Variants in IQCM observed in about 807,000 individuals in gnomAD.
IQCM encodes the protein IQ motif containing M.
A neutral mutation model predicts 57.6 loss-of-function variants in IQCM; 45 were observed. The ratio of observed to expected loss-of-function variants is 0.78; its 90% confidence interval spans 0.62 to 1.00. IQCM has a LOEUF of 1.00. Ranked by LOEUF, IQCM falls within the 50% of genes least tolerant of loss-of-function variation. The probability of loss-of-function intolerance (pLI) is 0.00; values close to 1 mark genes in which losing one functional copy is unlikely to be tolerated. For missense variants in IQCM, 468 were observed against 511.6 expected (o/e 0.91, Z 0.82); for synonymous variants, 148 against 158.9 (o/e 0.93, Z 0.51).
chr4:149,727,991 C>A lies in IQCM; in HGVS notation c.385+5253G>T, dbSNP rs529408734. Among the ~76,000 whole-genome samples the A allele has an allele frequency of 2.0e-3, 299 of 152,220 alleles. 1 individual carries two copies. The highest frequency in any genetic ancestry group is 2.9e-3 in the Non-Finnish European group (198 of 68,004). Reference sequence around the variant, plus strand: ...TTGGCTATGTTAAGAGTATTTACACCATGGAAATCAGTAAAAACTACAAAC... The same window carrying A: ...TTGGCTATGTTAAGAGTATTTACACAATGGAAATCAGTAAAAACTACAAAC... On this transcript the variant is annotated intron_variant, in intron 5 of 13. Coordinates refer to ENST00000636793, the MANE Select transcript of IQCM (RefSeq NM_001363507.2).
chr4:149,466,896 C>G (rs916483808), intron 12 of IQCM, among the ~76,000 whole-genome samples: 5 of 152,140 alleles, frequency 3.3e-5, no homozygotes, highest in African/African-American at 9.7e-5. Flanking sequence ...TGCATCCACA[C>G]AAGACAGAAG....
In IQCM at chr4:149,595,828, A is replaced by C. The variant is rs561946978; in HGVS notation, c.682-7831T>G. ...CATGGGAGTTATGCAAAATCTTCTC[A>C]TGGAGCCAGACCAGCCTCCACTTTG... On this transcript the variant is annotated intron_variant, in intron 8 of 13. Coordinates refer to ENST00000636793, the MANE Select transcript of IQCM (RefSeq NM_001363507.2). Among the ~76,000 whole-genome samples the C allele has an allele frequency of 2.0e-5, 3 of 152,254 alleles. No individual in the cohort carries two copies. In the South Asian group the frequency reaches 6.2e-4, roughly 32 times the overall value.
At chr4:149,368,855 TGTATATATATACATATATACAC>T (rs1730081339) in intron 13 of IQCM, among the ~76,000 whole-genome samples, 6 of 39,310 alleles carry the variant, frequency 1.5e-4, no homozygotes, top group Non-Finnish European at 3.1e-4. Context: ...TATATATACA[TGTATATATATACATATATACAC>T]GTGTATATAT....
chr4:149,679,839 A>G (rs1579974149), intron 7 of IQCM, among the ~76,000 whole-genome samples: 1 of 151,448 alleles, frequency 6.6e-6, no homozygotes, highest in East Asian at 1.9e-4. Context: ...AATGATGTGG[A>G]GAATAAGCTT....
At chr4:149,545,085 C>T (rs541315737) in intron 12 of IQCM, among the ~76,000 whole-genome samples, 25 of 152,122 alleles carry the variant, frequency 1.6e-4, no homozygotes, top group African/African-American at 6.0e-4. Flanking sequence ...GCCTGTAGTC[C>T]CAGCCACTTG....
intron 8 of IQCM, among the ~76,000 whole-genome samples, chr4:149,604,006 A>T (rs546303234): frequency 6.6e-6 from 1 of 152,218 alleles, no homozygotes; most frequent in African/African-American, 2.4e-5. Flanking sequence ...CAAGTCTACA[A>T]TTCTAAGACT....
At chr4:149,592,654 C>G (rs1015485722) in intron 8 of IQCM, among the ~76,000 whole-genome samples, 3 of 144,484 alleles carry the variant, frequency 2.1e-5, no homozygotes, top group Non-Finnish European at 3.2e-5. Flanking sequence ...AGGAAGGGAT[C>G]CAGTTTCAGC....
intron 12 of IQCM, among the ~76,000 whole-genome samples, chr4:149,444,419 C>T (rs1409545479): frequency 6.6e-6 from 1 of 151,740 alleles, no homozygotes. Context: ...AACAGTAAAT[C>T]CCTCTGTTTT....
intron 13 of IQCM, among the ~76,000 whole-genome samples, chr4:149,390,622 C>T (rs1000689471): frequency 4.6e-5 from 7 of 151,812 alleles, no homozygotes; most frequent in Admixed American, 1.3e-4. Context: ...TTGTTGAGGG[C>T]TTTTGTCATG....
intron 12 of IQCM, among the ~76,000 whole-genome samples, chr4:149,495,627 C>T (rs949033632): frequency 1.3e-4 from 19 of 151,782 alleles, no homozygotes; most frequent in African/African-American, 2.7e-4. Flanking sequence ...TCTGGGATGG[C>T]GAAAAAGCTA....
At chr4:149,807,874 C>A (rs1219182297) in intron 2 of IQCM, among the ~76,000 whole-genome samples, 1 of 151,912 alleles carries the variant, frequency 6.6e-6, no homozygotes, top group African/African-American at 2.4e-5. Context: ...GTCAAAACCA[C>A]CTCACCCCAG....
intron 3 of IQCM, among the ~76,000 whole-genome samples, chr4:149,735,738 G>C (rs986863423): frequency 1.3e-5 from 2 of 152,054 alleles, no homozygotes; most frequent in South Asian, 2.1e-4. Context: ...CATGTTTTGG[G>C]CACAAAAGTT....
intron 12 of IQCM, among the ~76,000 whole-genome samples, chr4:149,468,089 G>A (rs1360782720): frequency 6.6e-6 from 1 of 152,162 alleles, no homozygotes; most frequent in Non-Finnish European, 1.5e-5. Flanking sequence ...GCAGAAGATG[G>A]GTGTTTTCTG....
chr4:149,772,202 T>C (rs1205199110), intron 2 of IQCM, among the ~76,000 whole-genome samples: 6 of 148,130 alleles, frequency 4.1e-5, no homozygotes, highest in Non-Finnish European at 7.4e-5. Context: ...TATAATTCAA[T>C]GTAAACACAG....
chr4:149,770,852 T>C (rs1441314122), intron 2 of IQCM, among the ~76,000 whole-genome samples: 2 of 152,064 alleles, frequency 1.3e-5, no homozygotes, highest in Non-Finnish European at 2.9e-5. Flanking sequence ...CTGAACAATT[T>C]TCCCCCTAGG....
In IQCM at chr4:149,433,274, G is replaced by C. The variant is rs760004205; in HGVS notation, c.1390+122C>G. ...GCAGGCAGAGTATCTAAGAAGTAAA[G>C]AGAACATTCTATAAGATCTATGTAT... On this transcript the variant is annotated intron_variant, in intron 13 of 13. Transcript: ENST00000636793. 6 of 470,342 alleles carry C rather than the reference G, an allele frequency of 1.3e-5. No homozygotes were observed. In the East Asian group the frequency reaches 2.2e-4, roughly 17 times the overall value. The allele number at this position is 470,342 out of a possible 1,614,324, so 29.1% of individuals were successfully genotyped here.
At chr4:149,736,957 T>C (rs368821041) in intron 3 of IQCM, among the ~76,000 whole-genome samples, 2 of 152,070 alleles carry the variant, frequency 1.3e-5, no homozygotes, top group East Asian at 3.9e-4. Flanking sequence ...AACAGAAGAG[T>C]TTGTAAACTG....
chr4:149,443,031 T>C (rs1736129389), intron 12 of IQCM, among the ~76,000 whole-genome samples: 1 of 151,724 alleles, frequency 6.6e-6, no homozygotes, highest in Non-Finnish European at 1.5e-5. Context: ...TATGCAGTTG[T>C]GTGCTTGACT....
At chr4:149,737,956 T>C (rs886838455) in intron 3 of IQCM, among the ~76,000 whole-genome samples, 1 of 152,226 alleles carries the variant, frequency 6.6e-6, no homozygotes, top group Non-Finnish European at 1.5e-5. Context: ...AACATTGTCA[T>C]GTGCATGACA....
Sources: gnomAD v4.1 joint callset for allele counts (sites outside exome capture counted in the v4.1 genomes callset) on GRCh38, gnomAD v4.1.1 for gene constraint, MANE v1.5 for transcripts, NCBI Gene and HGNC (gene_info 2026-07-23, HGNC 2026-07-21) for gene names.